The following LARP1 variants were observed in gnomAD, a reference collection of about 807,000 sequenced individuals.
The protein encoded by LARP1 is La ribonucleoprotein 1, translational regulator.
In LARP1, 36 loss-of-function variants were observed where a neutral mutation model predicts 122.7. The ratio of observed to expected loss-of-function variants is 0.29; its 90% CI spans 0.22 to 0.39. The LOEUF is 0.39. Among genes scored for constraint, LARP1 ranks in the 10% least tolerant of loss-of-function variants. LARP1 has a pLI of 1.00. For synonymous variants in LARP1, 539 were observed against 528.7 expected (o/e 1.02, Z -0.27); for missense variants, 1,040 against 1,403.6 (o/e 0.74, Z 4.14).
At position 154,786,128 on chromosome 5, in the gene LARP1, C is replaced by T. The variant is rs570680637; in HGVS notation, c.437-4197C>T. On this transcript the variant is annotated intron_variant, in intron 1 of 18. Coordinates refer to ENST00000518297, the MANE Select transcript of LARP1 (RefSeq NM_033551.3). ...CGCGATCTCAGCTCACTGCAACCTC[C>T]GCCTCCCGGGTTCAAGCGACTGTCC... Among the ~76,000 whole-genome samples the T allele has an allele frequency of 9.2e-5, 14 of 152,196 alleles. No individual in the cohort carries two copies. In the South Asian group the frequency reaches 2.7e-3, roughly 29 times the overall value.
Position 154,811,316 on chromosome 5 carries a change from C to G in LARP1, c.2913C>G (p.Phe971Leu). The change falls in exon 17 of 19, where the codon TTC becomes TTG. Residue 971 changes from phenylalanine to leucine, a missense_variant. Phe to Leu is a conservative substitution (Grantham distance 22, BLOSUM62 0). Transcript: ENST00000518297. ...AAAAGAAGTTCCGGCTGGACATATT[C>G]AAGGATTTTCAGGAGGAAACGGTGA... ...GLEKKFRLDI[F>L]KDFQEETVKD... The G allele has an allele frequency of 6.2e-7, 1 of 1,614,118 alleles. No individual in the cohort carries two copies. The highest frequency in any genetic ancestry group is 8.5e-7 in the Non-Finnish European group (1 of 1,180,030).
Position 154,803,812 on chromosome 5 carries a change from C to G in LARP1, c.2439+67C>G. 1 of 1,469,168 alleles carries G rather than the reference C, an allele frequency of 6.8e-7. No individual in the cohort carries two copies. The highest frequency in any genetic ancestry group is 9.5e-7 in the Non-Finnish European group (1 of 1,055,088). The allele number at this position is 1,469,168 out of a possible 1,614,324, so 91.0% of individuals were successfully genotyped here. A position where few individuals can be genotyped will look rare whatever the true frequency, so the allele number is the denominator to read the frequency against. ...TTCATTGCATTCCAGTGCTTTGCTT[C>G]TCTCCCTTGCCTTGTCTGAGCTAAG... is the stretch of plus-strand genomic sequence containing the variant. On this transcript the variant is annotated intron_variant, in intron 13 of 18. Transcript: ENST00000518297. This position sits in a 1 kb window ranked among gnomAD's most constrained non-coding sequence, Gnocchi z 4.4.
Position 154,803,611 on chromosome 5 carries a change from A to T in LARP1, c.2305A>T (p.Thr769Ser), listed in dbSNP as rs373756763. 3.1e-6 allele frequency: 5 copies of T among 1,613,852 alleles called. No homozygotes were observed. Among genetic ancestry groups the T allele is most frequent in the African/African-American group, 1.3e-5 (1 of 74,840 alleles). ...CTCCACCATCGCCCGCTCTCTACCA[A>T]CCACTGTCCCAGAGTCACCAAACTA... is the stretch of plus-strand genomic sequence containing the variant. Reference protein sequence around the residue: ...EPSTIARSLPTTVPESPNYRN... With the variant: ...EPSTIARSLPSTVPESPNYRN... Residue 769 changes from threonine to serine, a missense_variant, in exon 13 of 19, where the codon ACC becomes TCC. Physicochemically the swap from Thr to Ser is moderately conservative, Grantham distance 58 (BLOSUM62 1). This residue lies in a region of LARP1 where 362 missense variants were observed against 533.1 expected (regional missense o/e 0.68). Coordinates refer to ENST00000518297, the MANE Select transcript of LARP1 (RefSeq NM_033551.3). This position sits in a 1 kb window ranked among gnomAD's most constrained non-coding sequence, Gnocchi z 4.4.
intron 1 of LARP1, among the ~76,000 whole-genome samples, chr5:154,784,167 A>C (rs1756694984): frequency 6.6e-6 from 1 of 152,198 alleles, no homozygotes; most frequent in African/African-American, 2.4e-5. Context: ...TTCTGGTGTG[A>C]AGTCGCTATT....
intron 1 of LARP1, among the ~76,000 whole-genome samples, chr5:154,778,293 A>AAAAATATTAAAT (rs1355683134): frequency 5.3e-5 from 8 of 151,254 alleles, no homozygotes; most frequent in Non-Finnish European, 1.5e-5. Context: ...GCTCTGATTT[A>AAAAATATTAAAT]AAAATATTAA....
At chr5:154,748,694 T>C in intron 1 of LARP1, among the ~76,000 whole-genome samples, 1 of 152,248 alleles carries the variant, frequency 6.6e-6, no homozygotes, top group Admixed American at 6.5e-5. Context: ...TGCTATTATA[T>C]ACATCTCACT....
intron 1 of LARP1, among the ~76,000 whole-genome samples, chr5:154,742,067 A>G (rs533792040): frequency 2.0e-5 from 3 of 152,128 alleles, no homozygotes; most frequent in Admixed American, 6.6e-5. Flanking sequence ...AAATTGGCCA[A>G]CCTCTCTGAT....
intron 1 of LARP1, among the ~76,000 whole-genome samples, chr5:154,766,147 T>A (rs1754934045): frequency 6.6e-6 from 1 of 152,144 alleles, no homozygotes; most frequent in Admixed American, 6.5e-5. Flanking sequence ...TTCCTTGTGG[T>A]TTTAGTATGG....
rs757446137 is a variant in LARP1 at position 154,703,120 on chromosome 5, C to CAAAAAA, written c.-180+20105_-180+20110dup. The stretch of plus-strand genomic sequence containing the variant: ...GGGGCAACAGAGTGAGACGCTGTCT[C>CAAAAAA]AAAAAAAAAAAAAAAAAAAAAAAAA... On this transcript the variant is annotated intron_variant, in intron 1 of 18. Coordinates refer to the LARP1 transcript ENST00000687700. Among the ~76,000 whole-genome samples the CAAAAAA allele has an allele frequency of 3.9e-4, 15 of 38,758 alleles. 1 individual carries two copies. The highest frequency in any genetic ancestry group is 1.7e-3 in the South Asian group (1 of 574). The allele number at this position is 38,758 out of a possible 152,430, so 25.4% of individuals were successfully genotyped here. A position where few individuals can be genotyped will look rare whatever the true frequency, so the allele number is the denominator to read the frequency against.
intron 8 of LARP1, among the ~76,000 whole-genome samples, chr5:154,796,117 T>TA (rs1177531199): frequency 1.8e-5 from 2 of 109,760 alleles, no homozygotes; most frequent in African/African-American, 9.4e-5. Flanking sequence ...ATATAGTATA[T>TA]ATATTATATA....
intron 1 of LARP1, among the ~76,000 whole-genome samples, chr5:154,777,052 T>TGTAC (rs1178880330): frequency 6.6e-6 from 1 of 152,036 alleles, no homozygotes; most frequent in Non-Finnish European, 1.5e-5. Context: ...GAACCTAGAG[T>TGTAC]GTACGTACAC....
upstream of LARP1, among the ~76,000 whole-genome samples, chr5:154,750,836 T>C (rs1208184959): frequency 6.7e-6 from 1 of 150,358 alleles, no homozygotes; most frequent in Non-Finnish European, 1.5e-5. Flanking sequence ...GGGTCTCAAA[T>C]TCCCGGGCTC....
chr5:154,774,363 C>G (rs545697470), intron 1 of LARP1, among the ~76,000 whole-genome samples: 87 of 152,272 alleles, frequency 5.7e-4, no homozygotes, highest in Non-Finnish European at 9.0e-4. Flanking sequence ...TGGCACCCAG[C>G]AGCCCTGTGC....
chr5:154,744,664 G>A (rs1329462193), intron 1 of LARP1, among the ~76,000 whole-genome samples: 2 of 74,470 alleles, frequency 2.7e-5, no homozygotes, highest in Non-Finnish European at 4.4e-5. Flanking sequence ...TTGAGACGGA[G>A]TCTCGCTCTG....
At chr5:154,751,862 T>C (rs534822979), upstream of LARP1, among the ~76,000 whole-genome samples, 13 of 152,306 alleles carry the variant, frequency 8.5e-5, no homozygotes, top group Non-Finnish European at 1.6e-4. Context: ...GTTTCAGGCA[T>C]GCACTGGGAT....
intron 1 of LARP1, chr5:154,786,434 C>G: frequency 2.2e-6 from 1 of 456,026 alleles, no homozygotes. Context: ...TGGCTCCTGG[C>G]TATGGTCCTC....
rs199613434 is a variant in LARP1, at chr5:154,813,962, C to T, written c.3157C>T (p.Arg1053Trp). Reference sequence around the variant, plus strand: ...AGGTGGCGGCGGTGAGGGCAGGAAGCGGTGCCCCTCCCAGTCTTCCAGCAG... The same window carrying T: ...AGGTGGCGGCGGTGAGGGCAGGAAGTGGTGCCCCTCCCAGTCTTCCAGCAG... Reference protein sequence around the residue: ...AGGGGGEGRKRCPSQSSSRPA... With the variant: ...AGGGGGEGRKWCPSQSSSRPA... The change falls in exon 19 of 19, where the codon CGG becomes TGG. Residue 1053 changes from arginine to tryptophan, a missense_variant. This residue lies in a region of LARP1 where 129 missense variants were observed against 160.8 expected (regional missense o/e 0.80). Transcript: ENST00000518297. The T allele has an allele frequency of 9.3e-5, 150 of 1,613,894 alleles. No individual in the cohort carries two copies. The highest frequency in any genetic ancestry group is 1.2e-4 in the Non-Finnish European group (141 of 1,179,966).
chr5:154,689,494 C>A (rs183320251), intron 1 of LARP1, among the ~76,000 whole-genome samples: 2 of 151,614 alleles, frequency 1.3e-5, no homozygotes, highest in South Asian at 4.2e-4. Context: ...GTGGCAGGCA[C>A]CTGTAATCCC....
chr5:154,699,283 G>T (rs1190195046), intron 1 of LARP1, among the ~76,000 whole-genome samples: 1 of 152,188 alleles, frequency 6.6e-6, no homozygotes, highest in Non-Finnish European at 1.5e-5. Flanking sequence ...GTCAGGGAAG[G>T]AGTGCTTGTT....
Sources: gnomAD v4.1 joint callset for allele counts (sites outside exome capture counted in the v4.1 genomes callset) on GRCh38, gnomAD v4.1.1 for gene constraint, gnomAD v4.1.1 regional missense constraint, Gnocchi (gnomAD v3.1) non-coding constraint, MANE v1.5 for transcripts, NCBI Gene and HGNC (gene_info 2026-07-23, HGNC 2026-07-21) for gene names.